Variants in OSBPL8 observed in about 807,000 individuals in gnomAD.
OSBPL8 encodes the protein oxysterol binding protein like 8, also known as oxysterol-binding protein-related protein 8.
A neutral mutation model predicts 125.5 loss-of-function variants in OSBPL8; 59 were observed. The observed-to-expected ratio is 0.47, with a 90% CI of 0.38 to 0.58. The LOEUF (loss-of-function observed/expected upper bound fraction) is 0.58. Among genes scored for constraint, OSBPL8 ranks in the 20% least tolerant of loss-of-function variants. The probability of loss-of-function intolerance (pLI) is 0.00; values close to 1 mark genes in which losing one functional copy is unlikely to be tolerated. For synonymous variants in OSBPL8, 330 were observed against 338.9 expected (o/e 0.97, Z 0.29); for missense variants, 758 against 1,047.8 (o/e 0.72, Z 3.82).
intron 4 of OSBPL8, among the ~76,000 whole-genome samples, chr12:76,412,726 A>G (rs750387411): frequency 6.6e-6 from 1 of 152,232 alleles, no homozygotes; most frequent in Non-Finnish European, 1.5e-5. Flanking sequence ...AAAATTAACC[A>G]TATTTTACAG....
At chr12:76,521,659 T>A (rs1311136904) in intron 1 of OSBPL8, among the ~76,000 whole-genome samples, 1 of 152,184 alleles carries the variant, frequency 6.6e-6, no homozygotes, top group East Asian at 1.9e-4. Flanking sequence ...TGAATAGACA[T>A]TGAGGACATT....
At chr12:76,364,641 A>G (rs946326665) in intron 21 of OSBPL8, among the ~76,000 whole-genome samples, 1 of 152,126 alleles carries the variant, frequency 6.6e-6, no homozygotes, top group African/African-American at 2.4e-5. Context: ...CCAGAACTTA[A>G]AGTATAATTA....
chr12:76,392,511 G>A, intron 10 of OSBPL8, 70 bp downstream of exon 10: 1 of 1,421,046 alleles, frequency 7.0e-7, no homozygotes, highest in Non-Finnish European at 9.6e-7. Context: ...AAAATTCTAG[G>A]CCTGCCAACT....
At chr12:76,393,710 C>CA (rs11423585) in intron 9 of OSBPL8, among the ~76,000 whole-genome samples, 33,820 of 52,158 alleles carry the variant, frequency 0.65, 12,876 homozygotes, top group Non-Finnish European at 0.72. Context: ...GACTCCGTTT[C>CA]AAAAAAAAAA....
intron 15 of OSBPL8, among the ~76,000 whole-genome samples, chr12:76,379,743 T>A (rs181095000): frequency 1.3e-5 from 2 of 152,356 alleles, no homozygotes; most frequent in Non-Finnish European, 2.9e-5. Flanking sequence ...TGTGATTATT[T>A]CCTTACTAGT....
intron 17 of OSBPL8, among the ~76,000 whole-genome samples, chr12:76,374,145 T>G (rs908652434): frequency 2.6e-4 from 39 of 152,228 alleles, no homozygotes; most frequent in African/African-American, 9.4e-4. Context: ...GCTTATCAGC[T>G]GGATATCAAC....
At chr12:76,381,211 G>A (rs1953035044) in intron 15 of OSBPL8, among the ~76,000 whole-genome samples, 2 of 151,044 alleles carry the variant, frequency 1.3e-5, no homozygotes, top group Non-Finnish European at 2.9e-5. Context: ...TTATTTTCTT[G>A]TAATCTCTGG....
intron 4 of OSBPL8, among the ~76,000 whole-genome samples, chr12:76,428,628 G>C (rs1870442550): frequency 6.6e-6 from 1 of 151,966 alleles, no homozygotes; most frequent in Non-Finnish European, 1.5e-5. Context: ...ATGAGTTCGA[G>C]AAAGATCAAA....
rs780215997 is a variant in OSBPL8 at position 76,390,928 on chromosome 12, C to T, written c.930-271G>A. On this transcript the variant is annotated intron_variant, in intron 10 of 23. Transcript: ENST00000261183. ...AGATGACACTCTGAGCTCTTTGCCT[C>T]TCTACCACTTGGGGCTAAAATCCTC... Among the ~76,000 whole-genome samples the T allele has an allele frequency of 2.0e-5, 3 of 152,246 alleles. No individual in the cohort carries two copies. The South Asian group carries it at 6.2e-4, about 32-fold the overall frequency.
At chr12:76,366,308 G>A (rs1952412877) in intron 21 of OSBPL8, among the ~76,000 whole-genome samples, 1 of 152,178 alleles carries the variant, frequency 6.6e-6, no homozygotes, top group East Asian at 1.9e-4. Context: ...TATGTAATTT[G>A]TGAGTTTCTA....
intron 2 of OSBPL8, among the ~76,000 whole-genome samples, chr12:76,475,748 A>C (rs372268437): frequency 6.6e-6 from 1 of 152,170 alleles, no homozygotes; most frequent in Non-Finnish European, 1.5e-5. Context: ...AGATAAAGGA[A>C]AGGCCAGGAG....
chr12:76,472,555 C>CAAGACAAAGGGGCAGGGTAAGGAGTGTGA (rs1302242005), intron 2 of OSBPL8, among the ~76,000 whole-genome samples: 6 of 152,006 alleles, frequency 3.9e-5, no homozygotes, highest in African/African-American at 1.4e-4. Flanking sequence ...TTATTGGATA[C>CAAGACAAAGGGGCAGGGTAAGGAGTGTGA]AAGACAAAGG....
At chr12:76,476,501 T>C (rs747101010) in intron 2 of OSBPL8, among the ~76,000 whole-genome samples, 1 of 151,880 alleles carries the variant, frequency 6.6e-6, no homozygotes, top group Non-Finnish European at 1.5e-5. Flanking sequence ...TATAGAGAAA[T>C]AAAATATAGT....
chr12:76,491,972 A>T (rs1299485983), intron 1 of OSBPL8, among the ~76,000 whole-genome samples: 2 of 152,148 alleles, frequency 1.3e-5, no homozygotes, highest in East Asian at 3.8e-4. Context: ...TAGGTATTAT[A>T]CTGACCACTT....
intron 4 of OSBPL8, among the ~76,000 whole-genome samples, chr12:76,416,410 T>C (rs1592641756): frequency 1.3e-5 from 2 of 152,116 alleles, no homozygotes; most frequent in East Asian, 3.8e-4. Flanking sequence ...AGTTCTATAT[T>C]TGTCCATTAA....
intron 22 of OSBPL8, among the ~76,000 whole-genome samples, chr12:76,357,680 T>C (rs1348926599): frequency 6.6e-6 from 1 of 152,186 alleles, no homozygotes; most frequent in African/African-American, 2.4e-5. Context: ...TAATAATTCA[T>C]CAGGATTCTA....
chr12:76,455,763 C>T (rs988101217), intron 3 of OSBPL8, among the ~76,000 whole-genome samples: 1 of 152,178 alleles, frequency 6.6e-6, no homozygotes, highest in Admixed American at 6.5e-5. Flanking sequence ...TAATAGTAGA[C>T]TATTCAAACA....
rs897994629 is a variant in OSBPL8, at chr12:76,355,638, T to G, written c.*251A>C. On this transcript the variant is annotated 3_prime_UTR_variant, in exon 24 of 24. Coordinates refer to ENST00000261183, the MANE Select transcript of OSBPL8 (RefSeq NM_020841.5). ...TACATGTGGGTTTATTATACTCATA[T>G]GTAGACACATTCTCACAAAAGCTAG... The G allele has an allele frequency of 5.0e-6, 2 of 401,850 alleles. No homozygotes were observed. The highest frequency in any genetic ancestry group is 2.1e-5 in the African/African-American group (1 of 48,164). The allele number at this position is 401,850 out of a possible 1,614,324, so 24.9% of individuals were successfully genotyped here.
chr12:76,454,373 C>T (rs955392822), intron 3 of OSBPL8, among the ~76,000 whole-genome samples: 1 of 152,004 alleles, frequency 6.6e-6, no homozygotes, highest in Non-Finnish European at 1.5e-5. Context: ...TAACAAACGA[C>T]ATGATTGAAT....
Sources: allele counts gnomAD v4.1 joint callset (sites outside exome capture counted in the v4.1 genomes callset), GRCh38; gene constraint gnomAD v4.1.1; transcripts MANE v1.5; gene names NCBI Gene and HGNC (gene_info 2026-07-23, HGNC 2026-07-21).